SPEF2: variants seen among roughly 807,000 people sequenced by gnomAD.
SPEF2 encodes the protein sperm flagellar and cilia associated 2.
SPEF2 carries 187 observed loss-of-function variants against 224.6 expected under a neutral mutation model. That is an observed-to-expected ratio of 0.83 (90% confidence interval 0.74 to 0.94). The LOEUF is 0.94. Ranked by LOEUF, SPEF2 falls within the 40% of genes least tolerant of loss-of-function variation. The pLI is 0.00. For missense variants in SPEF2, 2,170 were observed against 2,135.6 expected, an observed-to-expected ratio of 1.02 and a Z score of -0.32; for synonymous variants, 715 against 707.3, an observed-to-expected ratio of 1.01 and a Z score of -0.17.
At position 35,704,770 on chromosome 5, in the gene SPEF2, A is replaced by G. The variant is rs116469180; in HGVS notation, c.2507+108A>G. The G allele has an allele frequency of 1.7e-3, 1,173 of 704,608 alleles. 14 individuals carry two copies. The African/African-American group carries it at 0.019, about 12-fold the overall frequency. 43.6% of individuals were successfully genotyped at this position (704,608 alleles called of 1,614,324 possible). A position where few individuals can be genotyped will look rare whatever the true frequency, so the allele number is the denominator to read the frequency against. On this transcript the variant is annotated intron_variant, in intron 17 of 36. Coordinates refer to ENST00000356031, the MANE Select transcript of SPEF2 (RefSeq NM_024867.4). ...AAGAATATCTATTTCTTAGCATTCA[A>G]TCTTTTACAGGTAAAAGAAGACTAA... is the stretch of plus-strand genomic sequence containing the variant.
intron 21 of SPEF2, among the ~76,000 whole-genome samples, chr5:35,736,599 C>T (rs1386521883): frequency 6.6e-6 from 1 of 152,180 alleles, no homozygotes; most frequent in Non-Finnish European, 1.5e-5. Context: ...ATGCTCCAAT[C>T]ACCTCCTACC....
rs1387185407 is a variant in SPEF2, at chr5:35,806,691, T to A, written c.5011-16T>A. 6.3e-7 allele frequency: 1 copy of A among 1,599,318 alleles called. No homozygotes were observed. Among genetic ancestry groups the A allele is most frequent in the African/African-American group, 1.4e-5 (1 of 73,620 alleles). ...ACTTCAGTTTAACTTCATGTTCTCT[T>A]CATTTAACTTTGCAGACCTCCTCAA... On this transcript the variant is annotated splice_polypyrimidine_tract_variant and intron_variant, in intron 34 of 36. Coordinates refer to ENST00000356031, the MANE Select transcript of SPEF2 (RefSeq NM_024867.4).
chr5:35,782,476 T>A (rs1754478947), intron 30 of SPEF2, among the ~76,000 whole-genome samples: 1 of 152,214 alleles, frequency 6.6e-6, no homozygotes, highest in African/African-American at 2.4e-5. Context: ...CATACATATT[T>A]ATTTGCATAT....
chr5:35,769,520 G>T (rs570059294), intron 26 of SPEF2, among the ~76,000 whole-genome samples: 33 of 152,278 alleles, frequency 2.2e-4, no homozygotes, highest in Middle Eastern at 6.8e-3. Context: ...GGTGCATTCT[G>T]TGGAATATGA....
intron 26 of SPEF2, among the ~76,000 whole-genome samples, chr5:35,770,026 T>TGTGC (rs35144593): frequency 1.7e-5 from 2 of 117,552 alleles, no homozygotes; most frequent in African/African-American, 7.1e-5. Context: ...TGTGTGTGCA[T>TGTGC]GTGCGTGTGT....
intron 2 of SPEF2, among the ~76,000 whole-genome samples, chr5:35,635,255 C>T (rs1045139414): frequency 1.3e-5 from 2 of 151,964 alleles, no homozygotes; most frequent in Admixed American, 1.3e-4. Flanking sequence ...TTGTACTTTT[C>T]AACTTCAGAA....
intron 19 of SPEF2, chr5:35,709,633 C>T (rs2149592216): frequency 1.0e-6 from 1 of 967,080 alleles, no homozygotes; most frequent in African/African-American, 1.9e-5. Context: ...CCTGCCATCT[C>T]AGTAAACATA....
At chr5:35,694,428 T>A (rs891901106) in intron 13 of SPEF2, 65 bp downstream of exon 13, 1 of 1,383,086 alleles carries the variant, frequency 7.2e-7, no homozygotes, top group African/African-American at 1.4e-5. Context: ...AGCACATATA[T>A]GTGAGCACAA....
At chr5:35,654,324 C>A (rs1196863334) in intron 6 of SPEF2, among the ~76,000 whole-genome samples, 2 of 151,284 alleles carry the variant, frequency 1.3e-5, no homozygotes, top group Admixed American at 1.3e-4. Flanking sequence ...ATGATAAGGA[C>A]CTCACAGAGA....
chr5:35,658,218 G>C (rs1749217835), intron 7 of SPEF2, among the ~76,000 whole-genome samples: 1 of 152,160 alleles, frequency 6.6e-6, no homozygotes, highest in Admixed American at 6.6e-5. Context: ...CTATTATGAT[G>C]ACCAGGTCCT....
At chr5:35,798,631 T>G (rs1349959376) in intron 33 of SPEF2, among the ~76,000 whole-genome samples, 2 of 152,212 alleles carry the variant, frequency 1.3e-5, no homozygotes, top group African/African-American at 2.4e-5. Flanking sequence ...CTTCTTCTTT[T>G]TTTTCAGGCT....
chr5:35,631,805 A>G (rs1745172055), intron 2 of SPEF2, among the ~76,000 whole-genome samples: 1 of 152,196 alleles, frequency 6.6e-6, no homozygotes, highest in Admixed American at 6.5e-5. Flanking sequence ...AAAGAGCAAA[A>G]CTTGTATTTG....
intron 34 of SPEF2, 44 bp from the exon 35 acceptor site, chr5:35,806,663 A>G (rs1758100598): frequency 6.3e-7 from 1 of 1,575,544 alleles, no homozygotes; most frequent in Non-Finnish European, 8.6e-7. Context: ...ATTGGTGGAA[A>G]AAACTTCAGT....
At chr5:35,675,829 C>T (rs899470849) in intron 10 of SPEF2, 4 of 439,682 alleles carry the variant, frequency 9.1e-6, no homozygotes, top group Non-Finnish European at 1.8e-5. Context: ...GCCCTAGGTC[C>T]GTGGTTACCA....
At position 35,659,206 on chromosome 5, in the gene SPEF2, C is replaced by G. The variant is rs367661624; in HGVS notation, c.1166C>G (p.Ala389Gly). 67 of 1,595,810 alleles carry G rather than the reference C, an allele frequency of 4.2e-5. No homozygotes were observed. The highest frequency in any genetic ancestry group is 5.5e-5 in the Non-Finnish European group (64 of 1,168,850). ...KDFQDALDRE[A>G]ALAKQAKIDF... is the part of the protein sequence containing the mutation. The stretch of plus-strand genomic sequence containing the variant: ...TTCCAGGATGCTCTTGATCGAGAAG[C>G]GGTAAATACCATCTTCCTTAGAAAT... The change falls in exon 8 of 37, where the codon GCG becomes GGG. Residue 389 changes from alanine to glycine, a missense_variant and splice_region_variant. Coordinates refer to ENST00000356031, the MANE Select transcript of SPEF2 (RefSeq NM_024867.4).
At chr5:35,792,244 A>G in intron 30 of SPEF2, 96 bp from the exon 31 acceptor site, 1 of 792,892 alleles carries the variant, frequency 1.3e-6, no homozygotes, top group South Asian at 2.4e-5. Context: ...ATATGAATAA[A>G]GAGAGTTTTA....
chr5:35,692,174 G>A (rs570237994), intron 11 of SPEF2, among the ~76,000 whole-genome samples: 4 of 152,074 alleles, frequency 2.6e-5, no homozygotes, highest in Non-Finnish European at 5.9e-5. Context: ...ACTTTGGAAG[G>A]CCGAGACGGG....
chr5:35,754,151 G>A (rs1163453313), intron 24 of SPEF2, among the ~76,000 whole-genome samples: 1 of 152,116 alleles, frequency 6.6e-6, no homozygotes. Flanking sequence ...ATCAGACCAG[G>A]CAGACATTTG....
chr5:35,751,071 A>ATATATACG (rs1438447523), intron 23 of SPEF2, among the ~76,000 whole-genome samples: 13 of 55,584 alleles, frequency 2.3e-4, no homozygotes, highest in Non-Finnish European at 3.7e-4. Flanking sequence ...ATATATGTAT[A>ATATATACG]TATATATACA....
Sources: gnomAD v4.1 joint callset for allele counts (sites outside exome capture counted in the v4.1 genomes callset) on GRCh38, gnomAD v4.1.1 for gene constraint, MANE v1.5 for transcripts, NCBI Gene and HGNC (gene_info 2026-07-23, HGNC 2026-07-21) for gene names.